NYNRIN: variants seen among roughly 807,000 people sequenced by gnomAD.
The protein encoded by NYNRIN is protein NYNRIN.
NYNRIN carries 86 observed loss-of-function variants against 146.6 expected under a neutral mutation model. That is an observed-to-expected ratio of 0.59 (90% CI 0.49 to 0.70). NYNRIN has a LOEUF of 0.70. Ranked by LOEUF, NYNRIN falls within the 30% of genes least tolerant of loss-of-function variation. NYNRIN has a pLI of 0.00. For missense variants in NYNRIN, 2,191 were observed against 2,377.7 expected (o/e 0.92, Z 1.63); for synonymous variants, 1,027 against 1,001.3 (o/e 1.03, Z -0.48).
intron 2 of NYNRIN, among the ~76,000 whole-genome samples, 157 bp downstream of exon 2, chr14:24,399,601 C>G (rs978319456): frequency 8.5e-5 from 13 of 152,286 alleles, no homozygotes; most frequent in African/African-American, 3.1e-4. Flanking sequence ...TCCTGCCTCG[C>G]CAGATCAGCC....
At position 24,415,688 on chromosome 14, in the gene NYNRIN, G is replaced by A. The variant is rs779890793; in HGVS notation, c.3939G>A (p.Ser1313=). 33 of 1,613,758 alleles carry A rather than the reference G, an allele frequency of 2.0e-5. No homozygotes were observed. The highest frequency in any genetic ancestry group is 1.6e-4 in the Middle Eastern group (1 of 6,084). ...CCACGTTCGTCTGCATCCACATGTCGGGCTACTGCTTCTACCGTGAGGATG... is the reference window on the plus strand; with the variant it reads ...CCACGTTCGTCTGCATCCACATGTCAGGCTACTGCTTCTACCGTGAGGATG... The part of the protein sequence containing the change: ...DLSTFVCIHM[S]GYCFYREDEW... Residue 1313 remains serine, a synonymous_variant, in exon 9 of 9, where the codon TCG becomes TCA. Transcript: ENST00000382554.
Position 24,416,571 on chromosome 14 carries a change from C to T in NYNRIN, c.4822C>T (p.Leu1608Phe), listed in dbSNP as rs2042949038. The change falls in exon 9 of 9, where the codon CTC becomes TTC. Residue 1608 changes from leucine (L) to phenylalanine (F), a missense_variant. By Grantham distance (22) the Leu-to-Phe change is conservative. Coordinates refer to ENST00000382554, the MANE Select transcript of NYNRIN (RefSeq NM_025081.3). ...GAAGGTTATTGAGTCCCCATGGCCCCTCAGGTCGACCGCCCCCTGGTCGAA... is the reference window on the plus strand; with the variant it reads ...GAAGGTTATTGAGTCCCCATGGCCCTTCAGGTCGACCGCCCCCTGGTCGAA... ...ELKVIESPWP[L>F]RSTAPWSNLQ... 4 of 1,613,880 alleles carry T rather than the reference C, an allele frequency of 2.5e-6. No homozygotes were observed. Among genetic ancestry groups the T allele is most frequent in the Non-Finnish European group, 3.4e-6 (4 of 1,179,902 alleles).
At position 24,409,955 on chromosome 14, in the gene NYNRIN, G is replaced by C. The variant is rs200984430; in HGVS notation, c.2161G>C (p.Gly721Arg). The C allele has an allele frequency of 1.6e-4, 266 of 1,613,800 alleles. No individual in the cohort carries two copies. The Admixed American group carries it at 4.4e-3, about 27-fold the overall frequency. Residue 721 changes from glycine (G) to arginine (R), a missense_variant, in exon 4 of 9, where the codon GGA (glycine) becomes CGA (arginine). Gly to Arg is a moderately radical substitution (Grantham distance 125). Around this residue, in one of 3 missense-constraint regions of NYNRIN, gnomAD observed 895 missense variants for 941.2 expected, o/e 0.95. Coordinates refer to ENST00000382554, the MANE Select transcript of NYNRIN (RefSeq NM_025081.3). ...VSLLKGQGQA[G>R]RQGPQSSGTL... is the part of the protein sequence containing the mutation. Reference sequence around the variant, plus strand: ...CTTACTGAAGGGCCAGGGGCAGGCTGGAAGGCAGGGTCCCCAGTCCAGTGG... The same window carrying C: ...CTTACTGAAGGGCCAGGGGCAGGCTCGAAGGCAGGGTCCCCAGTCCAGTGG...
chr14:24,414,735 AAGG>A lies in NYNRIN; in HGVS notation c.2992_2994del (p.Glu998del). The stretch of plus-strand genomic sequence containing the variant: ...GAATATGGAAGAAGTCAGGGAAGAG[AAGG>A]AGGAGAGGCAGGATGAGGAGCAGAG... On this transcript the variant is annotated inframe_deletion, in exon 9 of 9. Transcript: ENST00000382554. 5 of 1,613,568 alleles carry A rather than the reference AAGG, an allele frequency of 3.1e-6. No homozygotes were observed. Among genetic ancestry groups the A allele is most frequent in the Middle Eastern group, 1.7e-4 (1 of 6,034 alleles).
At chr14:24,407,826 C>A in intron 2 of NYNRIN, 43 bp from the exon 3 acceptor site, 1 of 1,534,314 alleles carries the variant, frequency 6.5e-7, no homozygotes, top group Non-Finnish European at 8.8e-7. Context: ...AGGGGCAGGC[C>A]CCCAACGGGC....
intron 8 of NYNRIN, among the ~76,000 whole-genome samples, chr14:24,414,299 G>A (rs2042930290): frequency 6.6e-6 from 1 of 152,262 alleles, no homozygotes; most frequent in Non-Finnish European, 1.5e-5. Flanking sequence ...GAAGCCGCCA[G>A]TCATCTCTTA....
chr14:24,408,242 G>T lies in NYNRIN; in HGVS notation c.572G>T (p.Ser191Ile). 1.2e-6 allele frequency: 2 copies of T among 1,608,552 alleles called. No individual in the cohort carries two copies. ...LPPAVQELLL[S>I]LVRDAAGKED... ...CCAGCGGTCCAGGAGCTGCTGCTGA[G>T]CCTGGTGCGGGATGCTGCGGGCAAG... Residue 191 changes from serine to isoleucine, a missense_variant, in exon 3 of 9, where the codon AGC becomes ATC. By Grantham distance (142) the Ser-to-Ile change is moderately radical. Transcript: ENST00000382554.
Position 24,413,465 on chromosome 14 carries a change from C to T in NYNRIN, c.2846+48C>T, listed in dbSNP as rs772674225. ...CCTCCCAGGCCCTCCTGGGGCTGATCGGAAACTTCCCCTTAGTGTTGGCCA... is the reference window on the plus strand; with the variant it reads ...CCTCCCAGGCCCTCCTGGGGCTGATTGGAAACTTCCCCTTAGTGTTGGCCA... On this transcript the variant is annotated intron_variant, in intron 8 of 8. Transcript: ENST00000382554. 15 of 1,301,790 alleles carry T rather than the reference C, an allele frequency of 1.2e-5. No homozygotes were observed. In the Admixed American group the frequency reaches 2.1e-4, roughly 18 times the overall value. The allele number at this position is 1,301,790 out of a possible 1,614,324, so 80.6% of individuals were successfully genotyped here.
At chr14:24,404,031 C>G (rs570477775) in intron 2 of NYNRIN, among the ~76,000 whole-genome samples, 1 of 152,258 alleles carries the variant, frequency 6.6e-6, no homozygotes, top group Non-Finnish European at 1.5e-5. Flanking sequence ...CAGTGAGGCC[C>G]CTTTGTGCGG....
At chr14:24,399,144 G>A (rs966964628) in intron 1 of NYNRIN, 58 bp downstream of exon 1, 51 of 1,076,892 alleles carry the variant, frequency 4.7e-5, no homozygotes, top group Admixed American at 1.6e-4. Context: ...CGGGGAGGAG[G>A]GGGCGTGGCT....
chr14:24,399,527 G>T, intron 2 of NYNRIN, 83 bp downstream of exon 2: 1 of 1,265,542 alleles, frequency 7.9e-7, no homozygotes, highest in Admixed American at 2.2e-5. Context: ...GTGGTCCGCA[G>T]AGACACCACC....
chr14:24,418,051 A>G lies in NYNRIN; in HGVS notation c.*605A>G. ...CACAGCTCTCAGGGCAGGGCTGGCC[A>G]TCCTCCCAGGCCTCAAGGGCAGTGT... On this transcript the variant is annotated 3_prime_UTR_variant, in exon 9 of 9. Transcript: ENST00000382554. 1 of 330,462 alleles carries G rather than the reference A, an allele frequency of 3.0e-6. No homozygotes were observed. The highest frequency in any genetic ancestry group is 2.2e-5 in the African/African-American group (1 of 44,838). The allele number at this position is 330,462 out of a possible 1,614,324, so 20.5% of individuals were successfully genotyped here.
chr14:24,406,717 C>T (rs571859696), intron 2 of NYNRIN, among the ~76,000 whole-genome samples: 1 of 152,102 alleles, frequency 6.6e-6, no homozygotes, highest in East Asian at 1.9e-4. Flanking sequence ...CAGGGGAAAG[C>T]AGGAAGAGGG....
At position 24,413,388 on chromosome 14, in the gene NYNRIN, C is replaced by T. The variant is rs373134545; in HGVS notation, c.2817C>T (p.Thr939=). 63 of 1,612,884 alleles carry T rather than the reference C, an allele frequency of 3.9e-5. No individual in the cohort carries two copies. The highest frequency in any genetic ancestry group is 5.2e-5 in the Non-Finnish European group (61 of 1,179,456). ...PDDPLGRDGP[T]LDEFLKKPNR... ...ACCCCCTGGGCCGTGATGGCCCCAC[C>T]TTGGATGAGTTTCTGAAGAAGCCAA... is the stretch of plus-strand genomic sequence containing the variant. The change falls in exon 8 of 9, where the codon ACC becomes ACT. Residue 939 remains threonine (T), a synonymous_variant. Transcript: ENST00000382554.
In NYNRIN at chr14:24,416,150, G is replaced by A. The variant is rs377737411; in HGVS notation, c.4401G>A (p.Val1467=). 51 of 1,613,906 alleles carry A rather than the reference G, an allele frequency of 3.2e-5. No homozygotes were observed. In the African/African-American group the frequency reaches 6.3e-4, roughly 20 times the overall value. Residue 1467 remains valine (V), a synonymous_variant, in exon 9 of 9, where the codon GTG becomes GTA. Coordinates refer to ENST00000382554, the MANE Select transcript of NYNRIN (RefSeq NM_025081.3). ...SLPKDVPAPT[V]SPHAMGKRPN... ...CAAAGGATGTGCCAGCCCCTACAGT[G>A]AGTCCCCATGCCATGGGCAAGAGGC... is the stretch of plus-strand genomic sequence containing the variant.
At position 24,415,626 on chromosome 14, in the gene NYNRIN, C is replaced by T. The variant is rs755628226; in HGVS notation, c.3877C>T (p.Arg1293Cys). The T allele has an allele frequency of 1.8e-5, 29 of 1,613,896 alleles. No individual in the cohort carries two copies. Among genetic ancestry groups the T allele is most frequent in the African/African-American group, 4.0e-5 (3 of 74,930 alleles). ...GCTCACCCCCGCGGCCTCCATGCCT[C>T]GCTTCTTCCAGGTTCTGCCGCCTTT... ...RLLTPAASMP[R>C]FFQVLPPFSD... The change falls in exon 9 of 9, where the codon CGC becomes TGC. Residue 1293 changes from arginine (R) to cysteine (C), a missense_variant. Coordinates refer to ENST00000382554, the MANE Select transcript of NYNRIN (RefSeq NM_025081.3).
intron 2 of NYNRIN, among the ~76,000 whole-genome samples, chr14:24,406,948 C>T (rs559002323): frequency 6.6e-6 from 1 of 152,344 alleles, no homozygotes; most frequent in African/African-American, 2.4e-5. Flanking sequence ...GCCCAGAAAG[C>T]CAGAGTTCTT....
In NYNRIN at chr14:24,411,369, C is replaced by T. The variant is rs762799957; in HGVS notation, c.2561C>T (p.Thr854Met). ...NRRVRESHFLTKLHSLKMLSI... is the reference protein window; with the variant it reads ...NRRVRESHFLMKLHSLKMLSI... ...TCACCCCCAGAGAGCCACTTTCTGA[C>T]GAAGCTACACTCGCTCAAGATGCTT... Residue 854 changes from threonine (T) to methionine (M), a missense_variant, in exon 6 of 9, where the codon ACG becomes ATG. Around this residue, in one of 3 missense-constraint regions of NYNRIN, gnomAD observed 1,291 missense variants for 1,417.0 expected, o/e 0.91. Coordinates refer to ENST00000382554, the MANE Select transcript of NYNRIN (RefSeq NM_025081.3). The surrounding 1 kb of genome is among the most constrained non-coding windows in gnomAD (Gnocchi z 4.3). 33 of 1,613,838 alleles carry T rather than the reference C, an allele frequency of 2.0e-5. No individual in the cohort carries two copies. The highest frequency in any genetic ancestry group is 3.3e-4 in the Middle Eastern group (2 of 6,084).
chr14:24,411,465 A>C lies in NYNRIN; in HGVS notation c.2642+15A>C. 1 of 1,609,982 alleles carries C rather than the reference A, an allele frequency of 6.2e-7. No individual in the cohort carries two copies. Among genetic ancestry groups the C allele is most frequent in the Non-Finnish European group, 8.5e-7 (1 of 1,176,258 alleles). Reference sequence around the variant, plus strand: ...TACGATTATAGGTGTGCCGGTCCCCAGGCCTGCCCTCCTGGGCTCAGGGAG... The same window carrying C: ...TACGATTATAGGTGTGCCGGTCCCCCGGCCTGCCCTCCTGGGCTCAGGGAG... On this transcript the variant is annotated intron_variant, in intron 6 of 8. Coordinates refer to ENST00000382554, the MANE Select transcript of NYNRIN (RefSeq NM_025081.3). The surrounding 1 kb of genome is among the most constrained non-coding windows in gnomAD (Gnocchi z 4.3).
Sources: allele counts gnomAD v4.1 joint callset (sites outside exome capture counted in the v4.1 genomes callset), GRCh38; gene constraint gnomAD v4.1.1; regional missense constraint gnomAD v4.1.1; non-coding constraint Gnocchi (gnomAD v3.1); transcripts MANE v1.5; gene names NCBI Gene and HGNC (gene_info 2026-07-23, HGNC 2026-07-21).